The following ERBB4 variants were observed in gnomAD, a reference collection of about 807,000 sequenced individuals.
ERBB4 encodes erb-b2 receptor tyrosine kinase 4, also known as receptor tyrosine-protein kinase erbB-4.
ERBB4 carries 42 observed loss-of-function variants against 158.0 expected under a neutral mutation model. That is an observed-to-expected ratio of 0.27 (90% CI 0.21 to 0.34). ERBB4 has a LOEUF of 0.34. ERBB4 is among the 10% of genes least tolerant of loss of function. The pLI, the probability that ERBB4 is intolerant of heterozygous loss-of-function variation, is 1.00. For missense variants in ERBB4, 1,333 were observed against 1,624.1 expected, an observed-to-expected ratio of 0.82 and a Z score of 3.08; for synonymous variants, 583 against 558.7, an observed-to-expected ratio of 1.04 and a Z score of -0.61.
chr2:212,326,730 G>A (rs954405217), intron 1 of ERBB4, among the ~76,000 whole-genome samples: 4 of 150,824 alleles, frequency 2.7e-5, no homozygotes, highest in African/African-American at 4.8e-5. Context: ...ACACAGCTGC[G>A]TTTGTTCCTT....
intron 1 of ERBB4, among the ~76,000 whole-genome samples, chr2:212,344,476 A>ATGTG (rs58499972): frequency 1.2e-3 from 148 of 121,502 alleles, no homozygotes; most frequent in Middle Eastern, 4.2e-3. Flanking sequence ...GTGTGTATAT[A>ATGTG]TGTGTGTGTG....
chr2:211,913,696 G>T (rs183554844), intron 3 of ERBB4, among the ~76,000 whole-genome samples: 2,256 of 150,238 alleles, frequency 0.015, 37 homozygotes, highest in African/African-American at 0.037. Context: ...TATATACATA[G>T]AGAGAGAGAG....
chr2:212,118,762 A>G (rs560895160), intron 2 of ERBB4, among the ~76,000 whole-genome samples: 4 of 152,176 alleles, frequency 2.6e-5, no homozygotes, highest in African/African-American at 9.6e-5. Context: ...TTTCTTGTAC[A>G]TTCAAAAACA....
chr2:211,599,465 G>A (rs1039871702), intron 19 of ERBB4, among the ~76,000 whole-genome samples: 2 of 136,888 alleles, frequency 1.5e-5, no homozygotes, highest in Non-Finnish European at 3.2e-5. Flanking sequence ...GTCAGCCTGT[G>A]TAAGAAGATA....
At chr2:211,417,788 G>C (rs1274406881) in intron 25 of ERBB4, among the ~76,000 whole-genome samples, 2 of 152,036 alleles carry the variant, frequency 1.3e-5, no homozygotes, top group East Asian at 3.8e-4. Context: ...AGTGGGTAGA[G>C]CACCTTATAA....
intron 2 of ERBB4, among the ~76,000 whole-genome samples, chr2:212,103,127 C>T (rs936768806): frequency 6.6e-6 from 1 of 152,124 alleles, no homozygotes; most frequent in Non-Finnish European, 1.5e-5. Context: ...AGCTTAGCCA[C>T]ACTGAATACT....
At chr2:212,359,330 T>G (rs896706993) in intron 1 of ERBB4, among the ~76,000 whole-genome samples, 1 of 151,572 alleles carries the variant, frequency 6.6e-6, no homozygotes, top group African/African-American at 2.4e-5. Flanking sequence ...GATAGAAAAT[T>G]TGATGATCTG....
At chr2:211,835,616 T>G (rs888852298) in intron 3 of ERBB4, among the ~76,000 whole-genome samples, 3 of 152,026 alleles carry the variant, frequency 2.0e-5, no homozygotes, top group Non-Finnish European at 4.4e-5. Context: ...TCCTAAAACA[T>G]TTAATGAAAA....
intron 4 of ERBB4, among the ~76,000 whole-genome samples, chr2:211,769,120 A>G (rs2075629451): frequency 6.6e-6 from 1 of 152,190 alleles, no homozygotes; most frequent in Admixed American, 6.5e-5. Context: ...TCTCAAGTTC[A>G]AAGTTCCCCA....
intron 3 of ERBB4, among the ~76,000 whole-genome samples, chr2:211,836,018 T>G (rs903417255): frequency 6.6e-6 from 1 of 152,076 alleles, no homozygotes; most frequent in Non-Finnish European, 1.5e-5. Flanking sequence ...TTATTGCTAC[T>G]TAAAAGGCAA....
At chr2:211,467,650 T>C (rs140239536) in intron 20 of ERBB4, among the ~76,000 whole-genome samples, 251 of 152,264 alleles carry the variant, frequency 1.6e-3, no homozygotes, top group Admixed American at 2.9e-3. Context: ...GCCATAGAAG[T>C]GGAAGACCAT....
intron 1 of ERBB4, among the ~76,000 whole-genome samples, chr2:212,339,632 G>C (rs1320970776): frequency 6.6e-6 from 1 of 152,098 alleles, no homozygotes; most frequent in Non-Finnish European, 1.5e-5. Context: ...CTTTCACTGA[G>C]TGAGCTCAAC....
Position 212,093,775 on chromosome 2 carries a change from C to T in ERBB4, c.234+30977G>A, listed in dbSNP as rs937982598. Among the ~76,000 whole-genome samples, 5 of 152,194 alleles carry T rather than the reference C, an allele frequency of 3.3e-5. No individual in the cohort carries two copies. In the East Asian group the frequency reaches 9.6e-4, roughly 29 times the overall value. ...CACATTATAAATATATAAAGACATGCTATTATCATGCCATTTGATTGCTTT... is the reference window on the plus strand; with the variant it reads ...CACATTATAAATATATAAAGACATGTTATTATCATGCCATTTGATTGCTTT... On this transcript the variant is annotated intron_variant, in intron 2 of 27. Transcript: ENST00000342788.
intron 22 of ERBB4, 57 bp from the exon 23 acceptor site, chr2:211,424,358 C>G: frequency 1.6e-6 from 2 of 1,231,842 alleles, no homozygotes; most frequent in Non-Finnish European, 2.4e-6. Flanking sequence ...TTGAACAAAC[C>G]AGCACTATAC....
At chr2:211,463,902 C>A (rs1460515023) in intron 20 of ERBB4, among the ~76,000 whole-genome samples, 2 of 152,154 alleles carry the variant, frequency 1.3e-5, no homozygotes, top group Non-Finnish European at 2.9e-5. Context: ...GTTGCTGTAG[C>A]CACACAGGCC....
intron 3 of ERBB4, among the ~76,000 whole-genome samples, chr2:211,894,248 C>A (rs1173875314): frequency 7.0e-6 from 1 of 143,622 alleles, no homozygotes; most frequent in African/African-American, 2.6e-5. Context: ...ATGATGAGTT[C>A]GTGTCCTTTG....
chr2:211,852,033 C>A (rs958352825), intron 3 of ERBB4, among the ~76,000 whole-genome samples: 2 of 151,860 alleles, frequency 1.3e-5, no homozygotes, highest in African/African-American at 4.8e-5. Context: ...GAATTTATAT[C>A]ACTATTGTCA....
At chr2:212,081,083 T>C (rs1011497714) in intron 2 of ERBB4, among the ~76,000 whole-genome samples, 7 of 152,202 alleles carry the variant, frequency 4.6e-5, no homozygotes, top group Non-Finnish European at 7.3e-5. Flanking sequence ...CACAAAGTTA[T>C]AAAATATTTC....
intron 3 of ERBB4, among the ~76,000 whole-genome samples, chr2:211,827,252 T>C (rs1008151746): frequency 7.9e-5 from 12 of 152,058 alleles, no homozygotes; most frequent in Admixed American, 5.9e-4. Flanking sequence ...TTCATTCACA[T>C]GATAATTTAT....
Sources: gnomAD v4.1 joint callset for allele counts (sites outside exome capture counted in the v4.1 genomes callset) on GRCh38, gnomAD v4.1.1 for gene constraint, MANE v1.5 for transcripts, NCBI Gene and HGNC (gene_info 2026-07-23, HGNC 2026-07-21) for gene names.